The following ATXN10 variants were observed in gnomAD, a reference collection of about 807,000 sequenced individuals.
The protein encoded by ATXN10 is ataxin 10.
In ATXN10, 28 loss-of-function variants were observed where a neutral mutation model predicts 52.9. The observed-to-expected ratio is 0.53, with a 90% confidence interval of 0.39 to 0.73. The LOEUF (loss-of-function observed/expected upper bound fraction) is 0.73. Among genes scored for constraint, ATXN10 ranks in the 30% least tolerant of loss-of-function variants. The pLI, the probability that ATXN10 is intolerant of heterozygous loss-of-function variation, is 0.00. For synonymous variants in ATXN10, 226 were observed against 221.5 expected (o/e 1.02, Z -0.18); for missense variants, 565 against 577.0 (o/e 0.98, Z 0.21).
chr22:45,800,924 G>T (rs547527977), intron 9 of ATXN10, among the ~76,000 whole-genome samples: 3 of 152,354 alleles, frequency 2.0e-5, no homozygotes, highest in Non-Finnish European at 2.9e-5. Context: ...GCAGAGCTGC[G>T]CAAGGAGCTT....
rs74973657 is a variant in ATXN10 at position 45,833,196 on chromosome 22, G to C, written c.1238-9795G>C. On this transcript the variant is annotated intron_variant, in intron 10 of 11. Transcript: ENST00000252934. This position sits in a 1 kb window ranked among gnomAD's most constrained non-coding sequence, Gnocchi z 4.3. ...CAGCATCATAGAGTCCTTGGGAAGC[G>C]CACGCATCTGGTATCTGTCCCTGTT... 2.7e-3 allele frequency among the ~76,000 whole-genome samples: 412 copies of C among 152,280 alleles called. 2 individuals are homozygous for C. Among genetic ancestry groups the C allele is most frequent in the African/African-American group, 9.3e-3 (388 of 41,562 alleles).
intron 8 of ATXN10, 56 bp from the exon 9 acceptor site, chr22:45,740,313 C>T: frequency 6.5e-7 from 1 of 1,539,810 alleles, no homozygotes; most frequent in South Asian, 1.1e-5. Context: ...ACTATTAGTA[C>T]AACATACTAA....
rs1924406942 is a variant in ATXN10, at chr22:45,715,391, T to C, written c.648-3022T>C. Among the ~76,000 whole-genome samples, 2 of 152,250 alleles carry C rather than the reference T, an allele frequency of 1.3e-5. No homozygotes were observed. Among genetic ancestry groups the C allele is most frequent in the Admixed American group, 1.3e-4 (2 of 15,286 alleles). On this transcript the variant is annotated intron_variant, in intron 5 of 11. Coordinates refer to ENST00000252934, the MANE Select transcript of ATXN10 (RefSeq NM_013236.4). This position sits in a 1 kb window ranked among gnomAD's most constrained non-coding sequence, Gnocchi z 4.4. ...ATAGACAAATATCAGTATAGACTGA[T>C]GTTTTATACATTATATAAACATGAT...
Position 45,757,873 on chromosome 22 carries a change from T to C in ATXN10, c.1173+17335T>C, listed in dbSNP as rs1926231707. 1.3e-5 allele frequency among the ~76,000 whole-genome samples: 2 copies of C among 152,250 alleles called. No homozygotes were observed. Among genetic ancestry groups the C allele is most frequent in the African/African-American group, 4.8e-5 (2 of 41,470 alleles). ...CTCTGGCACACTTTCTCCAGTCATATTCGTTGAGCCTGTATTTATAAAATT... is the reference window on the plus strand; with the variant it reads ...CTCTGGCACACTTTCTCCAGTCATACTCGTTGAGCCTGTATTTATAAAATT... On this transcript the variant is annotated intron_variant, in intron 9 of 11. Transcript: ENST00000252934. The surrounding 1 kb of genome is among the most constrained non-coding windows in gnomAD (Gnocchi z 4.6).
intron 9 of ATXN10, among the ~76,000 whole-genome samples, chr22:45,743,347 G>T (rs1267452531): frequency 6.6e-6 from 1 of 152,168 alleles, no homozygotes; most frequent in African/African-American, 2.4e-5. Flanking sequence ...CCGAAATCTT[G>T]TTCTGGATGT....
intron 1 of ATXN10, among the ~76,000 whole-genome samples, chr22:45,682,458 C>T (rs1922963984): frequency 2.6e-5 from 4 of 152,052 alleles, no homozygotes; most frequent in Admixed American, 2.6e-4. Flanking sequence ...CAGGCATCCA[C>T]CACCACACCC....
chr22:45,741,114 C>T (rs1474847730), intron 9 of ATXN10, among the ~76,000 whole-genome samples: 1 of 152,096 alleles, frequency 6.6e-6, no homozygotes, highest in Admixed American at 6.5e-5. Context: ...TCTCGCCTTT[C>T]TGTATTTTTC....
intron 9 of ATXN10, among the ~76,000 whole-genome samples, chr22:45,768,795 C>G (rs1304851854): frequency 2.0e-5 from 3 of 152,182 alleles, no homozygotes; most frequent in Non-Finnish European, 2.9e-5. Flanking sequence ...TTTGAACAAA[C>G]CAGTTGTAAA....
chr22:45,832,473 C>CGAAA (rs1929025882), intron 10 of ATXN10, among the ~76,000 whole-genome samples: 1 of 152,214 alleles, frequency 6.6e-6, no homozygotes, highest in Non-Finnish European at 1.5e-5. Flanking sequence ...CCCCTCTTTC[C>CGAAA]CCAAGTTGTC....
At position 45,750,793 on chromosome 22, in the gene ATXN10, G is replaced by A. The variant is rs1457347966; in HGVS notation, c.1173+10255G>A. ...TTATACGAATTTACCATGTGATAAGGATAATCCAGCAACCCGGGGAGAAAA... is the reference window on the plus strand; with the variant it reads ...TTATACGAATTTACCATGTGATAAGAATAATCCAGCAACCCGGGGAGAAAA... On this transcript the variant is annotated intron_variant, in intron 9 of 11. Coordinates refer to ENST00000252934, the MANE Select transcript of ATXN10 (RefSeq NM_013236.4). This position sits in a 1 kb window ranked among gnomAD's most constrained non-coding sequence, Gnocchi z 4.2. Among the ~76,000 whole-genome samples, 1 of 152,184 alleles carries A rather than the reference G, an allele frequency of 6.6e-6. No individual in the cohort carries two copies. Among genetic ancestry groups the A allele is most frequent in the African/African-American group, 2.4e-5 (1 of 41,448 alleles).
At chr22:45,740,719 C>CACAT (rs1347577208) in intron 9 of ATXN10, 181 bp downstream of exon 9, 11 of 339,534 alleles carry the variant, frequency 3.2e-5, no homozygotes, top group Non-Finnish European at 3.6e-5. Flanking sequence ...CACACACACA[C>CACAT]ATATATATAC....
At chr22:45,699,490 CTTTTTTTTT>C (rs917191404) in intron 3 of ATXN10, among the ~76,000 whole-genome samples, 1 of 117,286 alleles carries the variant, frequency 8.5e-6, no homozygotes, top group Non-Finnish European at 1.8e-5. Flanking sequence ...TTTTTCTTTC[CTTTTTTTTT>C]TTTTTTTTTT....
chr22:45,773,046 C>T (rs1054313492), intron 9 of ATXN10, among the ~76,000 whole-genome samples: 6 of 152,188 alleles, frequency 3.9e-5, no homozygotes, highest in Non-Finnish European at 7.3e-5. Flanking sequence ...ATTAGTCTGA[C>T]GCTGTGGAAC....
At chr22:45,698,835 G>T (rs1923721229) in intron 3 of ATXN10, among the ~76,000 whole-genome samples, 1 of 152,196 alleles carries the variant, frequency 6.6e-6, no homozygotes, top group Non-Finnish European at 1.5e-5. Context: ...ATTTTATGGT[G>T]TGTTAGTTCA....
In ATXN10 at chr22:45,677,924, A is replaced by G. The variant is rs1922767910; in HGVS notation, c.116+5745A>G. ...TTGGTGGGTCCTCAAAAAGCTAAAC[A>G]TGGAATATGACCAAGCAGTTTTACT... On this transcript the variant is annotated intron_variant, in intron 1 of 11. Coordinates refer to ENST00000252934, the MANE Select transcript of ATXN10 (RefSeq NM_013236.4). The surrounding 1 kb of genome is among the most constrained non-coding windows in gnomAD (Gnocchi z 4.1). The G allele has an allele frequency of 6.6e-6, 1 of 152,228 alleles. No individual in the cohort carries two copies. Among genetic ancestry groups the G allele is most frequent in the African/African-American group, 2.4e-5 (1 of 41,456 alleles). 9.4% of individuals were successfully genotyped at this position (152,228 alleles called of 1,614,324 possible).
Position 45,823,767 on chromosome 22 carries a change from G to A in ATXN10, c.1237+16745G>A, listed in dbSNP as rs1045841542. Among the ~76,000 whole-genome samples the A allele has an allele frequency of 6.6e-6, 1 of 152,128 alleles. No homozygotes were observed. Among genetic ancestry groups the A allele is most frequent in the African/African-American group, 2.4e-5 (1 of 41,416 alleles). On this transcript the variant is annotated intron_variant, in intron 10 of 11. Coordinates refer to ENST00000252934, the MANE Select transcript of ATXN10 (RefSeq NM_013236.4). This position sits in a 1 kb window ranked among gnomAD's most constrained non-coding sequence, Gnocchi z 4.9. ...TTATTGAGTAGCTGGCATGTTATGT[G>A]CTGCACACTGTTCTAGCTGCCAGGG...
At position 45,786,684 on chromosome 22, in the gene ATXN10, C is replaced by T. The variant is rs1410341521; in HGVS notation, c.1174-20275C>T. On this transcript the variant is annotated intron_variant, in intron 9 of 11. Transcript: ENST00000252934. The surrounding 1 kb of genome is among the most constrained non-coding windows in gnomAD (Gnocchi z 4.1). ...ATCTTAATTTATAAAATGTAGGCAG[C>T]TGGAGGAATGCTCAGCCTTCCTTTA... Among the ~76,000 whole-genome samples, 2 of 152,214 alleles carry T rather than the reference C, an allele frequency of 1.3e-5. No individual in the cohort carries two copies. Among genetic ancestry groups the T allele is most frequent in the Admixed American group, 6.5e-5 (1 of 15,284 alleles).
At chr22:45,779,227 G>A (rs1421235861) in intron 9 of ATXN10, among the ~76,000 whole-genome samples, 1 of 152,170 alleles carries the variant, frequency 6.6e-6, no homozygotes, top group Non-Finnish European at 1.5e-5. Context: ...TAATATTGGA[G>A]TAACAGGACC....
Position 45,712,930 on chromosome 22 carries a change from T to G in ATXN10, c.648-5483T>G, listed in dbSNP as rs1206708832. On this transcript the variant is annotated intron_variant, in intron 5 of 11. Coordinates refer to ENST00000252934, the MANE Select transcript of ATXN10 (RefSeq NM_013236.4). The surrounding 1 kb of genome is among the most constrained non-coding windows in gnomAD (Gnocchi z 4.6). ...TCTCACAACAAAGGAGAGTGGCATTTATTTTCCATAGCACATTTAAATCAA... is the reference window on the plus strand; with the variant it reads ...TCTCACAACAAAGGAGAGTGGCATTGATTTTCCATAGCACATTTAAATCAA... Among the ~76,000 whole-genome samples the G allele has an allele frequency of 6.6e-6, 1 of 152,218 alleles. No individual in the cohort carries two copies. Among genetic ancestry groups the G allele is most frequent in the Non-Finnish European group, 1.5e-5 (1 of 68,034 alleles).
Sources: gnomAD v4.1 joint callset for allele counts (sites outside exome capture counted in the v4.1 genomes callset) on GRCh38, gnomAD v4.1.1 for gene constraint, Gnocchi (gnomAD v3.1) non-coding constraint, MANE v1.5 for transcripts, NCBI Gene and HGNC (gene_info 2026-07-23, HGNC 2026-07-21) for gene names.